ADAMTSL3: variants seen among roughly 807,000 people sequenced by gnomAD.
The protein encoded by ADAMTSL3 is ADAMTS like 3.
In ADAMTSL3, 128 loss-of-function variants were observed where a neutral mutation model predicts 201.7. That is an observed-to-expected ratio of 0.63 (90% CI 0.55 to 0.73). The LOEUF is 0.73. ADAMTSL3 is among the 30% of genes least tolerant of loss of function. The pLI is 0.00. For missense variants in ADAMTSL3, 1,990 were observed against 2,119.6 expected, an observed-to-expected ratio of 0.94 and a Z score of 1.20; for synonymous variants, 738 against 748.4, an observed-to-expected ratio of 0.99 and a Z score of 0.23.
At chr15:83,662,569 A>AT (rs35637412) in intron 2 of ADAMTSL3, among the ~76,000 whole-genome samples, 29,134 of 142,396 alleles carry the variant, frequency 0.2, 3,773 homozygotes, top group Admixed American at 0.35. Context: ...TTAAAGTATA[A>AT]TAAAAAAAAA....
chr15:83,954,145 C>T (rs899624019), intron 19 of ADAMTSL3, among the ~76,000 whole-genome samples: 1 of 152,310 alleles, frequency 6.6e-6, no homozygotes. Flanking sequence ...TCTACCTCCC[C>T]TTTAAGACTA....
intron 11 of ADAMTSL3, among the ~76,000 whole-genome samples, 170 bp downstream of exon 11, chr15:83,890,417 T>A (rs906069791): frequency 6.6e-6 from 1 of 152,224 alleles, no homozygotes. Context: ...TAGGACACAT[T>A]CATTAGGAAT....
At chr15:83,914,303 TG>T (rs944532204) in intron 16 of ADAMTSL3, among the ~76,000 whole-genome samples, 14 of 152,186 alleles carry the variant, frequency 9.2e-5, no homozygotes, top group African/African-American at 3.4e-4. Flanking sequence ...GCCCATTACT[TG>T]AAACTCCCTA....
chr15:83,717,822 A>G (rs2062040424), intron 3 of ADAMTSL3, among the ~76,000 whole-genome samples: 5 of 152,216 alleles, frequency 3.3e-5, no homozygotes, highest in Admixed American at 3.3e-4. Flanking sequence ...CCAAGGATAA[A>G]AGAACTAAAA....
intron 12 of ADAMTSL3, among the ~76,000 whole-genome samples, chr15:83,891,654 G>A (rs1266523133): frequency 6.6e-6 from 1 of 152,174 alleles, no homozygotes; most frequent in Admixed American, 6.5e-5. Flanking sequence ...CAATTAATCA[G>A]AAATTTTAAT....
At position 83,942,648 on chromosome 15, in the gene ADAMTSL3, C is replaced by A. The variant is rs2066582530; in HGVS notation, c.2170C>A (p.Gln724Lys). The stretch of plus-strand genomic sequence containing the variant: ...CTCAGCTACCTGTGGAGTTGGAATT[C>A]AGACCCGAGATGTGTACTGCCTGCA... ...PCSATCGVGI[Q>K]TRDVYCLHPG... Residue 724 changes from glutamine (Q) to lysine (K), a missense_variant, in exon 18 of 30, where the codon CAG (glutamine) becomes AAG (lysine). By Grantham distance (53) the Gln-to-Lys change is moderately conservative. Transcript: ENST00000286744. The A allele has an allele frequency of 6.2e-7, 1 of 1,613,900 alleles. No homozygotes were observed. Among genetic ancestry groups the A allele is most frequent in the Admixed American group, 1.7e-5 (1 of 60,006 alleles).
intron 17 of ADAMTSL3, among the ~76,000 whole-genome samples, chr15:83,934,325 C>T (rs939823625): frequency 2.6e-5 from 4 of 152,308 alleles, no homozygotes; most frequent in South Asian, 2.1e-4. Context: ...GCTAAATTTT[C>T]GACTTGCATG....
intron 5 of ADAMTSL3, among the ~76,000 whole-genome samples, chr15:83,812,516 C>T (rs372239960): frequency 6.6e-6 from 1 of 152,162 alleles, no homozygotes; most frequent in South Asian, 2.1e-4. Flanking sequence ...TATTAAGGGA[C>T]GGCAGGGTCT....
intron 19 of ADAMTSL3, among the ~76,000 whole-genome samples, chr15:83,947,801 T>G (rs2066681651): frequency 6.6e-6 from 1 of 152,214 alleles, no homozygotes; most frequent in Non-Finnish European, 1.5e-5. Flanking sequence ...CTGAATTCTT[T>G]AACTCCCATG....
chr15:83,672,027 A>C (rs78769972), intron 2 of ADAMTSL3, among the ~76,000 whole-genome samples: 2 of 152,322 alleles, frequency 1.3e-5, no homozygotes, highest in South Asian at 4.1e-4. Flanking sequence ...TACCATTAGT[A>C]GCCTGGGAGA....
intron 2 of ADAMTSL3, among the ~76,000 whole-genome samples, chr15:83,685,340 T>C (rs1214552334): frequency 6.6e-6 from 1 of 152,220 alleles, no homozygotes; most frequent in Non-Finnish European, 1.5e-5. Context: ...AGTTTCTCTC[T>C]AGAAATATAA....
chr15:83,829,449 C>T (rs2064103161), intron 6 of ADAMTSL3, among the ~76,000 whole-genome samples: 1 of 151,980 alleles, frequency 6.6e-6, no homozygotes, highest in Non-Finnish European at 1.5e-5. Context: ...AGCAGTCTAT[C>T]AATTTTGTTG....
intron 21 of ADAMTSL3, among the ~76,000 whole-genome samples, 157 bp downstream of exon 21, chr15:83,983,501 A>G (rs1217205417): frequency 2.6e-5 from 4 of 152,220 alleles, no homozygotes; most frequent in Admixed American, 2.6e-4. Context: ...TGTTTTTCAC[A>G]TATACGTTGG....
intron 3 of ADAMTSL3, among the ~76,000 whole-genome samples, chr15:83,742,037 TCTTCTTTTAAAAAACC>T (rs906780795): frequency 6.6e-6 from 1 of 152,148 alleles, no homozygotes; most frequent in African/African-American, 2.4e-5. Flanking sequence ...AGAAAATATG[TCTTCTTTTAAAAAACC>T]CTTGGGAAAG....
intron 17 of ADAMTSL3, among the ~76,000 whole-genome samples, chr15:83,938,911 C>T (rs766779566): frequency 2.0e-5 from 3 of 152,106 alleles, no homozygotes; most frequent in Non-Finnish European, 2.9e-5. Context: ...TTGCTCTATT[C>T]TCCAGCCCTC....
intron 3 of ADAMTSL3, among the ~76,000 whole-genome samples, chr15:83,733,643 C>T (rs1006388475): frequency 1.3e-5 from 2 of 152,098 alleles, no homozygotes; most frequent in African/African-American, 4.8e-5. Flanking sequence ...CAAATGATCG[C>T]ACCGTACTTG....
At chr15:83,674,766 C>CATATATATACATATATATATATATAT (rs2061377122) in intron 2 of ADAMTSL3, among the ~76,000 whole-genome samples, 1 of 68,942 alleles carries the variant, frequency 1.5e-5, no homozygotes, top group Admixed American at 1.7e-4. Flanking sequence ...CACATATATA[C>CATATATATACATATATATATATATAT]ATATATATAT....
intron 2 of ADAMTSL3, among the ~76,000 whole-genome samples, chr15:83,688,773 CACACACACAT>C (rs2061572570): frequency 1.3e-5 from 2 of 151,666 alleles, no homozygotes; most frequent in Non-Finnish European, 2.9e-5. Context: ...CACACACACA[CACACACACAT>C]ACACACACAC....
intron 23 of ADAMTSL3, among the ~76,000 whole-genome samples, chr15:84,012,593 T>C (rs961388884): frequency 1.5e-4 from 23 of 152,226 alleles, no homozygotes; most frequent in African/African-American, 4.6e-4. Flanking sequence ...TAGGGACTTA[T>C]AGAATTACAA....
Sources: allele counts gnomAD v4.1 joint callset (sites outside exome capture counted in the v4.1 genomes callset), GRCh38; gene constraint gnomAD v4.1.1; transcripts MANE v1.5; gene names NCBI Gene and HGNC (gene_info 2026-07-23, HGNC 2026-07-21).